CNNM2: variants seen among roughly 807,000 people sequenced by gnomAD.
CNNM2 encodes the protein metal transporter CNNM2.
CNNM2 carries 12 observed loss-of-function variants against 66.9 expected under a neutral mutation model. The observed-to-expected ratio is 0.18, with a 90% confidence interval of 0.11 to 0.29. The LOEUF is 0.29. CNNM2 is among the 10% of genes least tolerant of loss of function. The pLI is 1.00. For synonymous variants in CNNM2, 557 were observed against 501.8 expected (o/e 1.11, Z -1.47); for missense variants, 705 against 1,167.7 (o/e 0.60, Z 5.77).
At chr10:103,008,672 G>C (rs2064274914) in intron 1 of CNNM2, among the ~76,000 whole-genome samples, 1 of 151,818 alleles carries the variant, frequency 6.6e-6, no homozygotes, top group Non-Finnish European at 1.5e-5. Flanking sequence ...CTAGCTACCA[G>C]GGAGACTGAA....
At chr10:103,017,885 GC>G (rs2064485063) in intron 1 of CNNM2, among the ~76,000 whole-genome samples, 1 of 150,542 alleles carries the variant, frequency 6.6e-6, no homozygotes, top group African/African-American at 2.4e-5. Flanking sequence ...AATCACTTGA[GC>G]CTGGGAGGTG....
At chr10:102,963,517 A>G (rs1470364806) in intron 1 of CNNM2, among the ~76,000 whole-genome samples, 1 of 152,210 alleles carries the variant, frequency 6.6e-6, no homozygotes, top group Non-Finnish European at 1.5e-5. Context: ...ATGAAGATTA[A>G]AGCTGTTCTC....
At chr10:102,921,692 T>C (rs1347576920) in intron 1 of CNNM2, among the ~76,000 whole-genome samples, 1 of 152,188 alleles carries the variant, frequency 6.6e-6, no homozygotes, top group East Asian at 1.9e-4. Context: ...CAGAAAGATA[T>C]ATTGGGATGT....
chr10:103,035,985 A>T (rs2064930508), intron 1 of CNNM2, among the ~76,000 whole-genome samples: 1 of 152,196 alleles, frequency 6.6e-6, no homozygotes, highest in Non-Finnish European at 1.5e-5. Flanking sequence ...TATACGCATC[A>T]GTCATTAGCT....
At chr10:102,996,984 A>C (rs1194541920) in intron 1 of CNNM2, among the ~76,000 whole-genome samples, 2 of 152,180 alleles carry the variant, frequency 1.3e-5, no homozygotes, top group Non-Finnish European at 2.9e-5. Flanking sequence ...TCTAGAGCTG[A>C]CATCCTGTGA....
chr10:102,964,501 TCACACTCATGAGC>T (rs1400365422), intron 1 of CNNM2, among the ~76,000 whole-genome samples: 2 of 152,172 alleles, frequency 1.3e-5, no homozygotes, highest in Non-Finnish European at 2.9e-5. Flanking sequence ...AGAGCTGGGG[TCACACTCATGAGC>T]CACTGCGCCT....
At chr10:102,921,834 C>T (rs891247208) in intron 1 of CNNM2, among the ~76,000 whole-genome samples, 2 of 152,168 alleles carry the variant, frequency 1.3e-5, no homozygotes, top group African/African-American at 4.8e-5. Context: ...GTTTGTACTT[C>T]TTGCTGAAGT....
intron 1 of CNNM2, among the ~76,000 whole-genome samples, chr10:103,044,261 GA>G (rs2065091503): frequency 6.7e-6 from 1 of 150,136 alleles, no homozygotes; most frequent in Non-Finnish European, 1.5e-5. Context: ...CTCAGGTTAA[GA>G]AAGGTCCTAT....
At chr10:102,924,037 G>A (rs1158572102) in intron 1 of CNNM2, among the ~76,000 whole-genome samples, 1 of 152,184 alleles carries the variant, frequency 6.6e-6, no homozygotes, top group Non-Finnish European at 1.5e-5. Flanking sequence ...TGTATTCCAT[G>A]CAAGGAACCT....
chr10:102,957,439 C>T (rs922100972), intron 1 of CNNM2, among the ~76,000 whole-genome samples: 5 of 152,072 alleles, frequency 3.3e-5, no homozygotes, highest in African/African-American at 7.2e-5. Flanking sequence ...GGGCTGGAAA[C>T]GTAAATTGGT....
Position 102,958,459 on chromosome 10 carries a change from G to GTTTTTTTTT in CNNM2, c.1621+38380_1621+38388dup, listed in dbSNP as rs33992570. 5.8e-5 allele frequency among the ~76,000 whole-genome samples: 3 copies of GTTTTTTTTT among 51,704 alleles called. 1 individual carries two copies. Among genetic ancestry groups the GTTTTTTTTT allele is most frequent in the African/African-American group, 1.5e-4 (2 of 13,336 alleles). The allele number at this position is 51,704 out of a possible 152,430, so 33.9% of individuals were successfully genotyped here. On this transcript the variant is annotated intron_variant, in intron 1 of 7. Coordinates refer to ENST00000369878, the MANE Select transcript of CNNM2 (RefSeq NM_017649.5). ...GACTTGTTCTGAATTCAAGCAACTT[G>GTTTTTTTTT]TTTTTTTTTTTTTTTTTTTTTTTTT...
chr10:103,076,626 G>T (rs987682250), intron 7 of CNNM2, among the ~76,000 whole-genome samples: 4 of 152,222 alleles, frequency 2.6e-5, no homozygotes, highest in African/African-American at 9.6e-5. Flanking sequence ...TTGGAGGGTT[G>T]CGGGGAAGGC....
At chr10:102,956,329 G>A (rs1370510014) in intron 1 of CNNM2, among the ~76,000 whole-genome samples, 1 of 151,040 alleles carries the variant, frequency 6.6e-6, no homozygotes, top group African/African-American at 2.4e-5. Context: ...AACAGATGCT[G>A]GAGAGGATGT....
At chr10:103,008,072 C>T (rs1220110785) in intron 1 of CNNM2, among the ~76,000 whole-genome samples, 1 of 152,104 alleles carries the variant, frequency 6.6e-6, no homozygotes, top group African/African-American at 2.4e-5. Flanking sequence ...CTAAATCCCA[C>T]TGAGTAGAGT....
At chr10:102,938,190 C>A (rs1846308445) in intron 1 of CNNM2, among the ~76,000 whole-genome samples, 1 of 151,398 alleles carries the variant, frequency 6.6e-6, no homozygotes, top group Non-Finnish European at 1.5e-5. Context: ...AATCCCAGCA[C>A]TCTGGGAGGC....
chr10:102,968,224 TTTG>T (rs367990275), intron 1 of CNNM2, among the ~76,000 whole-genome samples: 152 of 152,124 alleles, frequency 1.0e-3, no homozygotes, highest in African/African-American at 1.9e-3. Flanking sequence ...TCCACATCTT[TTTG>T]TTGTTGTTGT....
In CNNM2 at chr10:102,978,208, CTT is replaced by C. The variant is rs79672869; in HGVS notation, c.1621+58122_1621+58123del. Among the ~76,000 whole-genome samples, 19 of 138,024 alleles carry C rather than the reference CTT, an allele frequency of 1.4e-4. No homozygotes were observed. Among genetic ancestry groups the C allele is most frequent in the South Asian group, 2.4e-4 (1 of 4,218 alleles). 90.5% of individuals were successfully genotyped at this position (138,024 alleles called of 152,430 possible). A position where few individuals can be genotyped will look rare whatever the true frequency, so the allele number is the denominator to read the frequency against. Reference sequence around the variant, plus strand: ...ACGGACGTAAGCCACCATGCCTGGACTTTTTTTTTTTTTTTTAAGCTCCACTT... The same window carrying C: ...ACGGACGTAAGCCACCATGCCTGGACTTTTTTTTTTTTTTAAGCTCCACTT... On this transcript the variant is annotated intron_variant, in intron 1 of 7. Coordinates refer to ENST00000369878, the MANE Select transcript of CNNM2 (RefSeq NM_017649.5).
At chr10:102,984,511 A>G (rs954062582) in intron 1 of CNNM2, among the ~76,000 whole-genome samples, 17 of 152,174 alleles carry the variant, frequency 1.1e-4, no homozygotes, top group African/African-American at 3.9e-4. Context: ...CTTCATGTGT[A>G]TAAGATTCTT....
intron 1 of CNNM2, among the ~76,000 whole-genome samples, chr10:102,999,220 G>A (rs1463581242): frequency 5.3e-5 from 8 of 150,486 alleles, no homozygotes; most frequent in South Asian, 2.1e-4. Flanking sequence ...ACAGGTGCCC[G>A]TCACCCTGCC....
Sources: gnomAD v4.1 joint callset for allele counts (sites outside exome capture counted in the v4.1 genomes callset) on GRCh38, gnomAD v4.1.1 for gene constraint, MANE v1.5 for transcripts, NCBI Gene and HGNC (gene_info 2026-07-23, HGNC 2026-07-21) for gene names.